Variants in RBFOX1 observed in about 807,000 individuals in gnomAD.
RBFOX1 encodes the protein RNA binding protein fox-1 homolog 1.
A neutral mutation model predicts 57.7 loss-of-function variants in RBFOX1; 8 were observed. The observed-to-expected ratio is 0.14, with a 90% CI of 0.08 to 0.25. The LOEUF (loss-of-function observed/expected upper bound fraction) is 0.25, where lower values mean the gene tolerates loss of function less well. RBFOX1 is among the 10% of genes least tolerant of loss of function. RBFOX1 has a pLI of 1.00. For synonymous variants in RBFOX1, 326 were observed against 222.4 expected, an observed-to-expected ratio of 1.47 and a Z score of -4.15; for missense variants, 611 against 548.5, an observed-to-expected ratio of 1.11 and a Z score of -1.14.
intron 1 of RBFOX1, among the ~76,000 whole-genome samples, chr16:5,398,309 A>G (rs371472957): frequency 6.6e-6 from 1 of 151,330 alleles, no homozygotes; most frequent in African/African-American, 2.4e-5. Flanking sequence ...GTGTGTGTGC[A>G]TGTGTGCTCG....
chr16:6,083,586 C>CCAGCCT (rs2096041503), intron 1 of RBFOX1, among the ~76,000 whole-genome samples: 1 of 152,104 alleles, frequency 6.6e-6, no homozygotes, highest in African/African-American at 2.4e-5. Context: ...AGATGATCCT[C>CCAGCCT]CAGCCTCAGC....
At chr16:5,707,268 G>C (rs2051286594) in intron 3 of RBFOX1, among the ~76,000 whole-genome samples, 1 of 152,154 alleles carries the variant, frequency 6.6e-6, no homozygotes, top group African/African-American at 2.4e-5. Flanking sequence ...TGGAATCTCT[G>C]GGCTTGGCTG....
At chr16:7,302,526 A>G (rs1457372323) in intron 4 of RBFOX1, among the ~76,000 whole-genome samples, 1 of 151,944 alleles carries the variant, frequency 6.6e-6, no homozygotes, top group African/African-American at 2.4e-5. Flanking sequence ...CCTCTCAGGT[A>G]CGGTTCCGTC....
At chr16:7,198,484 G>GAC (rs1176824751) in intron 4 of RBFOX1, among the ~76,000 whole-genome samples, 5 of 152,212 alleles carry the variant, frequency 3.3e-5, no homozygotes, top group Non-Finnish European at 7.4e-5. Flanking sequence ...AAAACAGGAA[G>GAC]ACAGAGTGTT....
chr16:5,910,493 T>C (rs188934424), intron 4 of RBFOX1, among the ~76,000 whole-genome samples: 1 of 152,328 alleles, frequency 6.6e-6, no homozygotes, highest in Admixed American at 6.5e-5. Flanking sequence ...GGTTGGCTAC[T>C]ATAAGAATCT....
intron 4 of RBFOX1, among the ~76,000 whole-genome samples, chr16:7,486,008 C>G (rs1278832659): frequency 6.6e-6 from 1 of 152,028 alleles, no homozygotes; most frequent in Admixed American, 6.6e-5. Flanking sequence ...GAAAGTGTTT[C>G]CTGTCTGGCT....
At chr16:6,749,219 C>T (rs1011110329) in intron 3 of RBFOX1, among the ~76,000 whole-genome samples, 5 of 152,110 alleles carry the variant, frequency 3.3e-5, no homozygotes, top group African/African-American at 9.7e-5. Context: ...CAGGCAAGAT[C>T]GTGTTTTGGC....
intron 3 of RBFOX1, among the ~76,000 whole-genome samples, chr16:6,826,065 C>T (rs957388851): frequency 6.6e-6 from 1 of 151,942 alleles, no homozygotes; most frequent in South Asian, 2.1e-4. Context: ...TTGCCCAGGT[C>T]CCCCACGTTC....
intron 3 of RBFOX1, among the ~76,000 whole-genome samples, chr16:6,781,982 G>A (rs1239936549): frequency 6.6e-6 from 1 of 152,036 alleles, no homozygotes; most frequent in African/African-American, 2.4e-5. Flanking sequence ...TTAAGATGCA[G>A]TTTTAGGTTT....
intron 2 of RBFOX1, among the ~76,000 whole-genome samples, chr16:5,519,022 A>T (rs139659747): frequency 6.6e-6 from 1 of 152,280 alleles, no homozygotes; most frequent in East Asian, 1.9e-4. Context: ...GGAGATGAGA[A>T]CACGAATGTA....
At chr16:5,328,252 CT>C (rs550972262) in intron 1 of RBFOX1, among the ~76,000 whole-genome samples, 7 of 152,238 alleles carry the variant, frequency 4.6e-5, no homozygotes, top group African/African-American at 1.7e-4. Flanking sequence ...AAAGGGGCCC[CT>C]AATCCAATCT....
chr16:7,364,154 G>C (rs1485012763), intron 4 of RBFOX1, among the ~76,000 whole-genome samples: 5 of 152,138 alleles, frequency 3.3e-5, no homozygotes, highest in Non-Finnish European at 7.4e-5. Context: ...GGGTGCAGGA[G>C]TCTACAACAG....
intron 3 of RBFOX1, among the ~76,000 whole-genome samples, chr16:5,784,868 C>G (rs2054447220): frequency 6.6e-6 from 1 of 152,118 alleles, no homozygotes; most frequent in African/African-American, 2.4e-5. Context: ...CACTGAATCT[C>G]CCGGTGCGTT....
chr16:6,676,821 A>T (rs571841273), intron 3 of RBFOX1, among the ~76,000 whole-genome samples: 19 of 150,674 alleles, frequency 1.3e-4, no homozygotes, highest in Admixed American at 9.9e-4. Context: ...GATTACAGGC[A>T]CCCGCCACCA....
chr16:6,323,408 T>A (rs959634332), intron 2 of RBFOX1, among the ~76,000 whole-genome samples: 1 of 152,126 alleles, frequency 6.6e-6, no homozygotes, highest in Non-Finnish European at 1.5e-5. Context: ...ACTGGAGGAG[T>A]TCTGAGGGCA....
chr16:7,035,134 CGCTGCACCG>C (rs2044006509), intron 3 of RBFOX1, among the ~76,000 whole-genome samples: 1 of 151,908 alleles, frequency 6.6e-6, no homozygotes, highest in South Asian at 2.1e-4. Context: ...AGGTGTGAGC[CGCTGCACCG>C]GGCCTCTGAG....
At chr16:5,400,180 C>T (rs1196277403) in intron 1 of RBFOX1, among the ~76,000 whole-genome samples, 1 of 151,988 alleles carries the variant, frequency 6.6e-6, no homozygotes, top group Non-Finnish European at 1.5e-5. Context: ...CAACCTCTGC[C>T]TCCCGGGTTC....
chr16:7,594,231 T>A (rs1270044727), intron 7 of RBFOX1, among the ~76,000 whole-genome samples: 1 of 151,902 alleles, frequency 6.6e-6, no homozygotes, highest in African/African-American at 2.4e-5. Flanking sequence ...AATGTAGGAC[T>A]GGGAGTTATC....
At chr16:6,058,659 C>T (rs1248894838) in intron 1 of RBFOX1, among the ~76,000 whole-genome samples, 8 of 150,870 alleles carry the variant, frequency 5.3e-5, no homozygotes, top group African/African-American at 1.7e-4. Flanking sequence ...TCCACCCATC[C>T]ATCCATCCAC....
Sources: allele counts gnomAD v4.1 joint callset (sites outside exome capture counted in the v4.1 genomes callset), GRCh38; gene constraint gnomAD v4.1.1; transcripts MANE v1.5; gene names NCBI Gene and HGNC (gene_info 2026-07-23, HGNC 2026-07-21).